Variants in STRN observed in about 807,000 individuals in gnomAD.
STRN encodes striatin, also known as protein phosphatase 2 regulatory subunit B'''alpha.
A neutral mutation model predicts 96.3 loss-of-function variants in STRN; 53 were observed. The ratio of observed to expected loss-of-function variants is 0.55; its 90% confidence interval spans 0.44 to 0.69. STRN has a LOEUF of 0.69. STRN is among the 30% of genes least tolerant of loss of function. The pLI, the probability that STRN is intolerant of heterozygous loss-of-function variation, is 0.00. For synonymous variants in STRN, 428 were observed against 355.9 expected, an observed-to-expected ratio of 1.20 and a Z score of -2.28; for missense variants, 987 against 963.9, an observed-to-expected ratio of 1.02 and a Z score of -0.32.
Position 36,862,472 on chromosome 2 carries a change from G to A in STRN, c.1548-1219C>T, listed in dbSNP as rs1288588068. ...CTGGTGTGACATGGCATCTCATTGT[G>A]GTCTTGATTTGCATTTCTGTAATAA... On this transcript the variant is annotated intron_variant, in intron 12 of 17. Coordinates refer to ENST00000263918, the MANE Select transcript of STRN (RefSeq NM_003162.4). Among the ~76,000 whole-genome samples the A allele has an allele frequency of 3.3e-5, 5 of 152,166 alleles. No homozygotes were observed. In the South Asian group the frequency reaches 1.0e-3, roughly 32 times the overall value.
At chr2:36,904,535 G>T (rs1321921192) in intron 4 of STRN, among the ~76,000 whole-genome samples, 1 of 152,064 alleles carries the variant, frequency 6.6e-6, no homozygotes. Flanking sequence ...ATATTTTATG[G>T]AAGAAAGTTG....
intron 9 of STRN, among the ~76,000 whole-genome samples, chr2:36,883,573 A>G (rs1299909103): frequency 2.0e-5 from 3 of 152,368 alleles, no homozygotes; most frequent in African/African-American, 7.2e-5. Flanking sequence ...ATTATCATTA[A>G]TAAATTGCTT....
intron 1 of STRN, among the ~76,000 whole-genome samples, chr2:36,958,904 G>T (rs1242408494): frequency 6.6e-6 from 1 of 152,100 alleles, no homozygotes; most frequent in Non-Finnish European, 1.5e-5. Context: ...CGGATCACGA[G>T]GTCAGATAGA....
intron 8 of STRN, among the ~76,000 whole-genome samples, chr2:36,886,321 A>G (rs1048814161): frequency 1.3e-5 from 2 of 152,212 alleles, no homozygotes; most frequent in Non-Finnish European, 2.9e-5. Flanking sequence ...GTCTAAAATT[A>G]TAAGCAATAA....
chr2:36,903,830 T>C (rs1459410782), intron 4 of STRN, among the ~76,000 whole-genome samples: 1 of 152,180 alleles, frequency 6.6e-6, no homozygotes, highest in Non-Finnish European at 1.5e-5. Context: ...TTCCCAACTT[T>C]CCTAAATTTA....
chr2:36,911,292 T>C (rs1386960789), intron 3 of STRN, among the ~76,000 whole-genome samples: 1 of 152,222 alleles, frequency 6.6e-6, no homozygotes, highest in Non-Finnish European at 1.5e-5. Context: ...TGAACAACTA[T>C]GATAGATGCA....
Position 36,837,824 on chromosome 2 carries a change from A to G in STRN, c.*11632T>C, listed in dbSNP as rs1667857068. Among the ~76,000 whole-genome samples the G allele has an allele frequency of 6.6e-6, 1 of 152,270 alleles. No individual in the cohort carries two copies. Among genetic ancestry groups the G allele is most frequent in the Non-Finnish European group, 1.5e-5 (1 of 68,056 alleles). Reference sequence around the variant, plus strand: ...AAAATCTGAACATATATTGTACAACATACAAAATGCTTTCACAAACTAGTT... The same window carrying G: ...AAAATCTGAACATATATTGTACAACGTACAAAATGCTTTCACAAACTAGTT... On this transcript the variant is annotated 3_prime_UTR_variant, in exon 18 of 18. Coordinates refer to ENST00000263918, the MANE Select transcript of STRN (RefSeq NM_003162.4).
intron 10 of STRN, among the ~76,000 whole-genome samples, chr2:36,875,126 T>C (rs1276533545): frequency 6.6e-6 from 1 of 152,068 alleles, no homozygotes; most frequent in Non-Finnish European, 1.5e-5. Context: ...TTGATAAAGA[T>C]GTATGTGATA....
intron 3 of STRN, among the ~76,000 whole-genome samples, chr2:36,908,301 G>A (rs77669210): frequency 1.3e-5 from 2 of 152,262 alleles, no homozygotes; most frequent in East Asian, 3.9e-4. Flanking sequence ...TTGGCAGCCA[G>A]TGACATTACA....
At chr2:36,962,145 G>A (rs140333791) in intron 1 of STRN, among the ~76,000 whole-genome samples, 3 of 152,244 alleles carry the variant, frequency 2.0e-5, no homozygotes, top group East Asian at 3.9e-4. Flanking sequence ...CCGGTATCTA[G>A]AACAAGGTCT....
intron 9 of STRN, among the ~76,000 whole-genome samples, chr2:36,882,885 C>T (rs574596424): frequency 2.6e-5 from 4 of 152,288 alleles, no homozygotes; most frequent in African/African-American, 9.6e-5. Flanking sequence ...TCAATTTCCA[C>T]ATACAAGCAT....
chr2:36,884,381 C>G (rs1324258101), intron 8 of STRN, among the ~76,000 whole-genome samples: 2 of 152,116 alleles, frequency 1.3e-5, no homozygotes, highest in Non-Finnish European at 2.9e-5. Flanking sequence ...CTAAATGCAG[C>G]CAGATACAGA....
chr2:36,850,205 A>G (rs1224148203), intron 16 of STRN, among the ~76,000 whole-genome samples: 1 of 152,250 alleles, frequency 6.6e-6, no homozygotes, highest in African/African-American at 2.4e-5. Context: ...AAAAAGGGAC[A>G]GAAAGAAAAC....
At chr2:36,934,051 G>A (rs754369430) in intron 1 of STRN, among the ~76,000 whole-genome samples, 31 of 152,172 alleles carry the variant, frequency 2.0e-4, no homozygotes, top group Non-Finnish European at 3.5e-4. Context: ...AGAGCTTGCA[G>A]TGAGCAGAGA....
In STRN at chr2:36,895,810, G is replaced by A. The variant is rs1174796452; in HGVS notation, c.796-1777C>T. Among the ~76,000 whole-genome samples, 12 of 151,510 alleles carry A rather than the reference G, an allele frequency of 7.9e-5. 1 individual carries two copies. In the South Asian group the frequency reaches 2.3e-3, roughly 29 times the overall value. On this transcript the variant is annotated intron_variant, in intron 6 of 17. Transcript: ENST00000263918. ...ATGGTGGTGGGCACCTGTAGTCCCAGCTACTCGGGAGGCTGAGGCAGGAGA... is the reference window on the plus strand; with the variant it reads ...ATGGTGGTGGGCACCTGTAGTCCCAACTACTCGGGAGGCTGAGGCAGGAGA...
intron 2 of STRN, among the ~76,000 whole-genome samples, chr2:36,918,248 T>C (rs1228408147): frequency 6.6e-6 from 1 of 152,128 alleles, no homozygotes; most frequent in South Asian, 2.1e-4. Context: ...CAGACATTCA[T>C]CTGACTTGCA....
chr2:36,925,785 A>C (rs1376294274), intron 1 of STRN, among the ~76,000 whole-genome samples: 1 of 152,182 alleles, frequency 6.6e-6, no homozygotes. Context: ...AAAATAAAAT[A>C]AAACAACTAA....
At chr2:36,895,996 A>G (rs1014786838) in intron 6 of STRN, among the ~76,000 whole-genome samples, 4 of 152,106 alleles carry the variant, frequency 2.6e-5, no homozygotes, top group Non-Finnish European at 4.4e-5. Context: ...AGAGTTCCAC[A>G]TATAAATATA....
intron 1 of STRN, among the ~76,000 whole-genome samples, chr2:36,954,283 G>A (rs1246359619): frequency 6.6e-6 from 1 of 152,018 alleles, no homozygotes; most frequent in Non-Finnish European, 1.5e-5. Context: ...GGCTGAGGCA[G>A]ATGGATCACT....
Sources: gnomAD v4.1 joint callset for allele counts (sites outside exome capture counted in the v4.1 genomes callset) on GRCh38, gnomAD v4.1.1 for gene constraint, MANE v1.5 for transcripts, NCBI Gene and HGNC (gene_info 2026-07-23, HGNC 2026-07-21) for gene names.